NKAPD1: variants seen among roughly 807,000 people sequenced by gnomAD.
NKAPD1 encodes NKAP domain containing 1, also known as uncharacterized protein NKAPD1.
A neutral mutation model predicts 30.9 loss-of-function variants in NKAPD1; 12 were observed. The observed-to-expected ratio is 0.39, with a 90% CI of 0.25 to 0.63. NKAPD1 has a LOEUF of 0.63. Among genes scored for constraint, NKAPD1 ranks in the 20% least tolerant of loss-of-function variants. The pLI, the probability that NKAPD1 is intolerant of heterozygous loss-of-function variation, is 0.51. For missense variants in NKAPD1, 311 were observed against 344.5 expected (o/e 0.90, Z 0.77); for synonymous variants, 91 against 113.6 (o/e 0.80, Z 1.26).
rs1418971507 is a variant in NKAPD1 at position 112,074,676 on chromosome 11, G to GC, written c.-247dup. On this transcript the variant is annotated 5_prime_UTR_variant, in exon 1 of 6. The change abolishes the stop of an existing upstream ORF in the 5' untranslated region. Coordinates refer to ENST00000393047, the MANE Select transcript of NKAPD1 (RefSeq NM_018195.4). ...GAATTCCGCCCCGGCTCAGCCTCCG[G>GC]CCTCAGTCCGGGAGAGAGATCTGCC... 2.5e-6 allele frequency: 1 copy of GC among 394,438 alleles called. No homozygotes were observed. Among genetic ancestry groups the GC allele is most frequent in the African/African-American group, 2.1e-5 (1 of 48,542 alleles). The allele number at this position is 394,438 out of a possible 1,614,324, so 24.4% of individuals were successfully genotyped here. A position where few individuals can be genotyped will look rare whatever the true frequency, so the allele number is the denominator to read the frequency against.
Position 112,074,372 on chromosome 11 carries a change from T to A in NKAPD1, c.-553T>A, listed in dbSNP as rs890779292. Reference sequence around the variant, plus strand: ...CTGCGGCGCACGGTATGGGTGTGTTTGTGTGTATTTGTGTGGGGAGGGCGT... The same window carrying A: ...CTGCGGCGCACGGTATGGGTGTGTTAGTGTGTATTTGTGTGGGGAGGGCGT... On this transcript the variant is annotated 5_prime_UTR_variant, in exon 1 of 6. Coordinates refer to ENST00000393047, the MANE Select transcript of NKAPD1 (RefSeq NM_018195.4). 2 of 398,938 alleles carry A rather than the reference T, an allele frequency of 5.0e-6. No individual in the cohort carries two copies. Among genetic ancestry groups the A allele is most frequent in the East Asian group, 7.1e-5 (2 of 28,076 alleles). 24.7% of individuals were successfully genotyped at this position (398,938 alleles called of 1,614,324 possible).
chr11:112,075,773 G>A (rs1322310223), intron 2 of NKAPD1, 130 bp downstream of exon 2: 4 of 821,904 alleles, frequency 4.9e-6, no homozygotes, highest in Non-Finnish European at 7.7e-6. Context: ...TCCGTACACA[G>A]TAGGAAATAA....
chr11:112,081,909 C>T (rs1394488513), intron 4 of NKAPD1, 73 bp from the exon 5 acceptor site: 4 of 1,239,480 alleles, frequency 3.2e-6, no homozygotes, highest in Non-Finnish European at 4.7e-6. Context: ...ACTCCAAAGT[C>T]TTTCTAATGT....
chr11:112,075,876 T>TA (rs1865319803), intron 2 of NKAPD1, among the ~76,000 whole-genome samples: 1 of 151,528 alleles, frequency 6.6e-6, no homozygotes, highest in South Asian at 2.1e-4. Flanking sequence ...AAGGAGGAAA[T>TA]AATAAAATCT....
At chr11:112,075,455 C>A in intron 1 of NKAPD1, 112 bp from the exon 2 acceptor site, 1 of 745,818 alleles carries the variant, frequency 1.3e-6, no homozygotes, top group Non-Finnish European at 2.2e-6. Context: ...GAATCTCTGA[C>A]TTCTAGTTCA....
rs748106404 is a variant in NKAPD1 at position 112,082,563 on chromosome 11, A to C, written c.473A>C (p.His158Pro). 1 of 1,613,120 alleles carries C rather than the reference A, an allele frequency of 6.2e-7. No individual in the cohort carries two copies. Among genetic ancestry groups the C allele is most frequent in the Non-Finnish European group, 8.5e-7 (1 of 1,179,876 alleles). ...AAACACAAGAAGTCAAAGAAATCCC[A>C]CAAAAAAAAGCAGAAAAAAAGGTCA... ...SRKHKKSKKS[H>P]KKKQKKRSHK... is the part of the protein sequence containing the mutation. Residue 158 changes from histidine (H) to proline (P), a missense_variant, in exon 6 of 6, where the codon CAC becomes CCC. By Grantham distance (77) the His-to-Pro change is moderately conservative. Transcript: ENST00000393047.
In NKAPD1 at chr11:112,080,406, T is replaced by C. The variant is rs200842933; in HGVS notation, c.171-3T>C. On this transcript the variant is annotated splice_polypyrimidine_tract_variant and splice_region_variant and intron_variant, in intron 3 of 5. Coordinates refer to ENST00000393047, the MANE Select transcript of NKAPD1 (RefSeq NM_018195.4). ...CTAAAAGTTCTTCTGCTTTCTCTTT[T>C]AGCCGGATGCGCAGTGATGGTTTTG... The C allele has an allele frequency of 3.1e-6, 5 of 1,613,178 alleles. No homozygotes were observed. The highest frequency in any genetic ancestry group is 4.2e-6 in the Non-Finnish European group (5 of 1,179,850).
intron 4 of NKAPD1, 87 bp from the exon 5 acceptor site, chr11:112,081,895 A>G (rs758197814): frequency 4.4e-5 from 45 of 1,030,720 alleles, no homozygotes; most frequent in Non-Finnish European, 6.4e-5. Context: ...TTGTGTATGC[A>G]TGTACTCCAA....
chr11:112,076,020 T>C (rs1354073109), intron 2 of NKAPD1, among the ~76,000 whole-genome samples: 5 of 152,200 alleles, frequency 3.3e-5, no homozygotes, highest in Non-Finnish European at 7.4e-5. Context: ...TGCATTAATA[T>C]GGCAACGAGA....
In NKAPD1 at chr11:112,084,169, T is replaced by C. The variant is rs765094137; in HGVS notation, c.*1197T>C. On this transcript the variant is annotated 3_prime_UTR_variant, in exon 6 of 6. Coordinates refer to ENST00000393047, the MANE Select transcript of NKAPD1 (RefSeq NM_018195.4). ...TCTTGGTTCTGCCACTCATTGGTTA[T>C]GAGGAGGCCCAGAGCAGGTAAGTTC... 2.0e-5 allele frequency: 3 copies of C among 152,658 alleles called. No individual in the cohort carries two copies. Among genetic ancestry groups the C allele is most frequent in the Admixed American group, 6.5e-5 (1 of 15,282 alleles). 9.5% of individuals were successfully genotyped at this position (152,658 alleles called of 1,614,324 possible).
chr11:112,081,623 T>G (rs1348540761), intron 4 of NKAPD1: 5 of 130,062 alleles, frequency 3.8e-5, no homozygotes, highest in Non-Finnish European at 6.5e-5. Flanking sequence ...AGAGTGAGAC[T>G]CCATCTCAAA....
At chr11:112,080,613 C>T (rs1414834311) in intron 4 of NKAPD1, 55 bp downstream of exon 4, 2 of 1,559,180 alleles carry the variant, frequency 1.3e-6, no homozygotes, top group South Asian at 1.2e-5. Context: ...GTGTACTTAT[C>T]AAAATTAATT....
At chr11:112,079,877 T>C (rs895122009) in intron 3 of NKAPD1, among the ~76,000 whole-genome samples, 2 of 151,976 alleles carry the variant, frequency 1.3e-5, no homozygotes, top group African/African-American at 4.8e-5. Flanking sequence ...AATGGCATGA[T>C]CTGGGCTCAC....
rs191630933 is a variant in NKAPD1 at position 112,082,748 on chromosome 11, T to G, written c.658T>G (p.Leu220Val). The change falls in exon 6 of 6, where the codon TTA (leucine) becomes GTA (valine). Residue 220 changes from leucine to valine, a missense_variant. Leu to Val is a conservative substitution (Grantham distance 32). Coordinates refer to ENST00000393047, the MANE Select transcript of NKAPD1 (RefSeq NM_018195.4). ...SRKKSLKKPALFLEAESNTSH... is the reference protein window; with the variant it reads ...SRKKSLKKPAVFLEAESNTSH... ...GAAAAAGTCTCTCAAAAAACCTGCTTTATTCTTAGAGGCAGAAAGTAACAC... is the reference window on the plus strand; with the variant it reads ...GAAAAAGTCTCTCAAAAAACCTGCTGTATTCTTAGAGGCAGAAAGTAACAC... The G allele has an allele frequency of 5.6e-6, 9 of 1,613,846 alleles. No homozygotes were observed. The East Asian group carries it at 8.9e-5, about 16-fold the overall frequency.
rs1469156881 is a variant in NKAPD1, at chr11:112,084,038, G to C, written c.*1066G>C. The C allele has an allele frequency of 6.6e-6, 1 of 152,576 alleles. No individual in the cohort carries two copies. Among genetic ancestry groups the C allele is most frequent in the South Asian group, 2.1e-4 (1 of 4,826 alleles). 9.5% of individuals were successfully genotyped at this position (152,576 alleles called of 1,614,324 possible). A position where few individuals can be genotyped will look rare whatever the true frequency, so the allele number is the denominator to read the frequency against. ...ATCACTGAAAGAAGGCTGGCAGAAC[G>C]CAAGTGCATTTTTTCACTGTGGGAA... On this transcript the variant is annotated 3_prime_UTR_variant, in exon 6 of 6. Transcript: ENST00000393047.
chr11:112,077,350 C>A (rs1865350440), intron 2 of NKAPD1, among the ~76,000 whole-genome samples: 1 of 152,180 alleles, frequency 6.6e-6, no homozygotes, highest in South Asian at 2.1e-4. Context: ...TAATCACATT[C>A]TGCTTTTCAA....
At chr11:112,082,111 C>G (rs554460563) in intron 5 of NKAPD1, 76 bp downstream of exon 5, 15 of 1,245,802 alleles carry the variant, frequency 1.2e-5, no homozygotes, top group Non-Finnish European at 1.7e-5. Context: ...TTAACTTTTA[C>G]GAAGAATATA....
At chr11:112,075,506 C>T (rs1865305144) in intron 1 of NKAPD1, 61 bp from the exon 2 acceptor site, 1 of 1,305,642 alleles carries the variant, frequency 7.7e-7, no homozygotes, top group African/African-American at 1.5e-5. Context: ...TATAAAACTT[C>T]AAGAAAAGAT....
chr11:112,077,368 C>A (rs937420685), intron 2 of NKAPD1, among the ~76,000 whole-genome samples: 1 of 152,092 alleles, frequency 6.6e-6, no homozygotes, highest in Non-Finnish European at 1.5e-5. Context: ...CAAGAAATTC[C>A]CTAGCAGCCA....
Sources: gnomAD v4.1 joint callset for allele counts (sites outside exome capture counted in the v4.1 genomes callset) on GRCh38, gnomAD v4.1.1 for gene constraint, MANE v1.5 for transcripts, NCBI Gene and HGNC (gene_info 2026-07-23, HGNC 2026-07-21) for gene names.